Variants in CSMD1 observed in about 807,000 individuals in gnomAD.
CSMD1 encodes CUB and sushi domain-containing protein 1.
CSMD1 carries 213 observed loss-of-function variants against 417.5 expected under a neutral mutation model. That is an observed-to-expected ratio of 0.51 (90% CI 0.46 to 0.57). CSMD1 has a LOEUF of 0.57. Among genes scored for constraint, CSMD1 ranks in the 20% least tolerant of loss-of-function variants. CSMD1 has a pLI of 0.00. For missense variants in CSMD1, 6,923 were observed against 4,529.7 expected (o/e 1.53, Z -15.17); for synonymous variants, 2,862 against 1,736.8 (o/e 1.65, Z -16.11).
intron 3 of CSMD1, among the ~76,000 whole-genome samples, chr8:4,392,478 A>G (rs1585004425): frequency 6.6e-6 from 1 of 152,070 alleles, no homozygotes; most frequent in East Asian, 1.9e-4. Flanking sequence ...GGCATCAAAC[A>G]CTCCTGAGCC....
intron 43 of CSMD1, 94 bp downstream of exon 43, chr8:3,110,064 C>A: frequency 9.4e-7 from 1 of 1,063,380 alleles, no homozygotes. Flanking sequence ...GAAGTTTATT[C>A]TAAATATGTG....
At chr8:4,627,644 C>T (rs1802196952) in intron 2 of CSMD1, among the ~76,000 whole-genome samples, 1 of 152,128 alleles carries the variant, frequency 6.6e-6, no homozygotes, top group African/African-American at 2.4e-5. Context: ...CCCAACATCA[C>T]CTCCCATTCC....
At position 4,666,108 on chromosome 8, in the gene CSMD1, TG is replaced by T. The variant is rs376450836; in HGVS notation, c.86-28551del. On this transcript the variant is annotated intron_variant, in intron 1 of 69. Transcript: ENST00000635120. Reference sequence around the variant, plus strand: ...TTCTAGGTAACGTTTCTGTGGTGACTGGGGGGCGCTGAGCATCTTCTGATGT... The same window carrying T: ...TTCTAGGTAACGTTTCTGTGGTGACTGGGGGCGCTGAGCATCTTCTGATGT... Among the ~76,000 whole-genome samples the T allele has an allele frequency of 3.7e-3, 556 of 152,052 alleles. 4 individuals are homozygous for T. The highest frequency in any genetic ancestry group is 0.013 in the African/African-American group (524 of 41,406).
intron 2 of CSMD1, among the ~76,000 whole-genome samples, chr8:4,522,155 G>A (rs1239828154): frequency 6.6e-6 from 1 of 152,024 alleles, no homozygotes; most frequent in Non-Finnish European, 1.5e-5. Flanking sequence ...GTCTTTCCTG[G>A]GCTGTTCTCG....
At chr8:3,179,129 T>C (rs1026388825) in intron 37 of CSMD1, among the ~76,000 whole-genome samples, 2 of 151,162 alleles carry the variant, frequency 1.3e-5, no homozygotes, top group African/African-American at 4.9e-5. Flanking sequence ...GTATTTTTAG[T>C]AGATACGGGG....
chr8:3,680,970 C>G (rs1297192826), intron 7 of CSMD1, among the ~76,000 whole-genome samples: 1 of 152,160 alleles, frequency 6.6e-6, no homozygotes, highest in East Asian at 1.9e-4. Flanking sequence ...CAGAAAAAGC[C>G]TTTGACAAAA....
intron 3 of CSMD1, among the ~76,000 whole-genome samples, chr8:4,059,166 A>T (rs954758774): frequency 6.6e-6 from 1 of 152,202 alleles, no homozygotes; most frequent in African/African-American, 2.4e-5. Flanking sequence ...CTACACAGAA[A>T]CTGAACAACC....
intron 52 of CSMD1, among the ~76,000 whole-genome samples, chr8:3,003,603 T>C (rs368392501): frequency 4.6e-5 from 7 of 152,340 alleles, no homozygotes; most frequent in East Asian, 3.9e-4. Flanking sequence ...TGATGATTTG[T>C]TGTGGGTTGC....
chr8:4,069,065 T>G (rs781699857), intron 3 of CSMD1, among the ~76,000 whole-genome samples: 8 of 152,210 alleles, frequency 5.3e-5, no homozygotes, highest in Non-Finnish European at 1.5e-5. Context: ...ATTTACTCCT[T>G]CTTAAAACAA....
Position 3,838,981 on chromosome 8 carries a change from T to A in CSMD1, c.819-84939A>T, listed in dbSNP as rs1322101182. 1.5e-3 allele frequency among the ~76,000 whole-genome samples: 183 copies of A among 125,292 alleles called. 1 individual carries two copies. Among genetic ancestry groups the A allele is most frequent in the African/African-American group, 5.2e-3 (176 of 33,908 alleles). The allele number at this position is 125,292 out of a possible 152,430, so 82.2% of individuals were successfully genotyped here. On this transcript the variant is annotated intron_variant, in intron 5 of 69. Coordinates refer to ENST00000635120, the MANE Select transcript of CSMD1 (RefSeq NM_033225.6). ...ATAAATTAATATTATATATAATATATTATATATCATATAATTATAATATTA... is the reference window on the plus strand; with the variant it reads ...ATAAATTAATATTATATATAATATAATATATATCATATAATTATAATATTA...
rs574675022 is a variant in CSMD1 at position 4,399,793 on chromosome 8, G to T, written c.415+20160C>A. Among the ~76,000 whole-genome samples the T allele has an allele frequency of 1.8e-4, 27 of 152,296 alleles. No individual in the cohort carries two copies. The South Asian group carries it at 5.4e-3, about 30-fold the overall frequency. ...TCATGTGAGTCTATTTCTAAAAGAT[G>T]CATCTGCTTTTAGGAAGCTATTAAA... On this transcript the variant is annotated intron_variant, in intron 3 of 69. Coordinates refer to ENST00000635120, the MANE Select transcript of CSMD1 (RefSeq NM_033225.6).
chr8:3,486,636 T>A (rs1410547315), intron 11 of CSMD1, among the ~76,000 whole-genome samples: 1 of 152,226 alleles, frequency 6.6e-6, no homozygotes, highest in African/African-American at 2.4e-5. Context: ...CCAGATTAGC[T>A]GAAATGGAGC....
intron 54 of CSMD1, among the ~76,000 whole-genome samples, chr8:2,993,363 A>C (rs1806572035): frequency 6.6e-6 from 1 of 152,100 alleles, no homozygotes; most frequent in South Asian, 2.1e-4. Context: ...CAATGCATTT[A>C]TTGCCAATAT....
intron 5 of CSMD1, among the ~76,000 whole-genome samples, chr8:3,809,398 G>A (rs1007323644): frequency 2.0e-5 from 3 of 152,162 alleles, no homozygotes; most frequent in African/African-American, 4.8e-5. Flanking sequence ...CAGAGAATTA[G>A]GGACTGTAAA....
At chr8:2,974,419 T>C in intron 56 of CSMD1, 32 bp downstream of exon 56, 1 of 1,489,482 alleles carries the variant, frequency 6.7e-7, no homozygotes, top group Non-Finnish European at 9.0e-7. Context: ...TTGAAATCTG[T>C]AATTCTGTCA....
At chr8:3,315,595 G>A (rs1211672833) in intron 23 of CSMD1, among the ~76,000 whole-genome samples, 2 of 151,880 alleles carry the variant, frequency 1.3e-5, no homozygotes, top group Non-Finnish European at 2.9e-5. Context: ...AGTTTTTGCT[G>A]ACATTATTTT....
At chr8:3,199,511 T>C (rs536944366) in intron 33 of CSMD1, among the ~76,000 whole-genome samples, 2 of 152,326 alleles carry the variant, frequency 1.3e-5, no homozygotes, top group East Asian at 3.9e-4. Flanking sequence ...TGTGTTTTTG[T>C]AGTAGAAATA....
chr8:4,166,959 C>T (rs545267934), intron 3 of CSMD1, among the ~76,000 whole-genome samples: 11 of 152,338 alleles, frequency 7.2e-5, no homozygotes, highest in Admixed American at 2.6e-4. Context: ...TCAGACAGCA[C>T]ATGCTGAAGG....
chr8:3,620,720 A>G lies in CSMD1; in HGVS notation c.1010-3923T>C, dbSNP rs1802382247. Among the ~76,000 whole-genome samples, 5 of 152,228 alleles carry G rather than the reference A, an allele frequency of 3.3e-5. No homozygotes were observed. In the South Asian group the frequency reaches 1.0e-3, roughly 32 times the overall value. On this transcript the variant is annotated intron_variant, in intron 7 of 69. Coordinates refer to ENST00000635120, the MANE Select transcript of CSMD1 (RefSeq NM_033225.6). ...GACACTACAAAAATATCAACTAAAC[A>G]TAGAGGATAACAGTAATGGGACAAA...
Sources: allele counts gnomAD v4.1 joint callset (sites outside exome capture counted in the v4.1 genomes callset), GRCh38; gene constraint gnomAD v4.1.1; transcripts MANE v1.5; gene names NCBI Gene and HGNC (gene_info 2026-07-23, HGNC 2026-07-21).